The following SUMF1 variants were observed in gnomAD, a reference collection of about 807,000 sequenced individuals.
SUMF1 encodes sulfatase modifying factor 1, also known as formylglycine-generating enzyme.
SUMF1 carries 48 observed loss-of-function variants against 47.6 expected under a neutral mutation model. The ratio of observed to expected loss-of-function variants is 1.01; its 90% CI spans 0.80 to 1.28. SUMF1 has a LOEUF of 1.28. SUMF1 is among the 50% of genes most tolerant of loss of function. SUMF1 has a pLI of 0.00. For missense variants in SUMF1, 571 were observed against 485.4 expected (o/e 1.18, Z -1.66); for synonymous variants, 230 against 192.1 (o/e 1.20, Z -1.63).
intron 8 of SUMF1, among the ~76,000 whole-genome samples, chr3:4,071,572 C>T (rs1695526029): frequency 6.6e-6 from 1 of 152,220 alleles, no homozygotes; most frequent in Non-Finnish European, 1.5e-5. Context: ...ATTCTCACTG[C>T]TAGCGCAGGA....
chr3:4,268,539 G>C (rs1400643968), intron 8 of SUMF1, among the ~76,000 whole-genome samples: 1 of 137,188 alleles, frequency 7.3e-6, no homozygotes, highest in African/African-American at 2.7e-5. Context: ...TTAATGATAG[G>C]TTTACACAGT....
intron 8 of SUMF1, among the ~76,000 whole-genome samples, chr3:4,172,241 A>T (rs1694847247): frequency 6.6e-6 from 1 of 152,078 alleles, no homozygotes; most frequent in Non-Finnish European, 1.5e-5. Context: ...ATTAAAGATG[A>T]CTCCCAGATT....
intron 8 of SUMF1, among the ~76,000 whole-genome samples, chr3:4,127,767 C>T (rs115289404): frequency 0.022 from 3,323 of 152,142 alleles, 105 homozygotes; most frequent in African/African-American, 0.075. Flanking sequence ...TATTTCTAGA[C>T]GAACAGAATA....
At chr3:4,213,646 G>A (rs1235874631) in intron 8 of SUMF1, among the ~76,000 whole-genome samples, 1 of 152,140 alleles carries the variant, frequency 6.6e-6, no homozygotes, top group Non-Finnish European at 1.5e-5. Context: ...ACCCATCAGT[G>A]TGCTGTATTC....
intron 3 of SUMF1, among the ~76,000 whole-genome samples, chr3:4,446,869 G>A (rs1275849113): frequency 6.6e-6 from 1 of 152,110 alleles, no homozygotes; most frequent in African/African-American, 2.4e-5. Flanking sequence ...ACAATGAAAG[G>A]GAAACCTGTA....
At chr3:4,454,033 T>C (rs1036230800) in intron 1 of SUMF1, among the ~76,000 whole-genome samples, 2 of 152,188 alleles carry the variant, frequency 1.3e-5, no homozygotes, top group African/African-American at 4.8e-5. Flanking sequence ...TAAAAGCACA[T>C]GTAAAAATGC....
At chr3:4,229,506 G>C (rs1436975070) in intron 8 of SUMF1, among the ~76,000 whole-genome samples, 1 of 152,086 alleles carries the variant, frequency 6.6e-6, no homozygotes, top group Non-Finnish European at 1.5e-5. Flanking sequence ...TCTCATCTAT[G>C]AAATTACCTT....
intron 7 of SUMF1, among the ~76,000 whole-genome samples, chr3:4,382,181 C>T (rs930206257): frequency 2.0e-5 from 3 of 152,192 alleles, no homozygotes; most frequent in Admixed American, 6.5e-5. Flanking sequence ...ACTGACAATG[C>T]CTACTTAAAT....
rs1355735972 is a variant in SUMF1, at chr3:4,208,872, G to C, written c.1015-140127C>G. 2.6e-5 allele frequency among the ~76,000 whole-genome samples: 4 copies of C among 152,052 alleles called. No homozygotes were observed. In the East Asian group the frequency reaches 7.7e-4, roughly 29 times the overall value. On this transcript the variant is annotated intron_variant and NMD_transcript_variant, in intron 8 of 12. Transcript: ENST00000448413. ...ATATGCACAATGGGAATATCAGAAA[G>C]AGAAGAAAGAGATCTGTTGCTAGAC...
At chr3:4,387,772 C>T (rs1204235159) in intron 7 of SUMF1, among the ~76,000 whole-genome samples, 3 of 152,004 alleles carry the variant, frequency 2.0e-5, no homozygotes, top group Non-Finnish European at 4.4e-5. Flanking sequence ...TGATATGTTT[C>T]ATTTTCATTC....
chr3:4,162,084 G>T (rs1451248242), intron 8 of SUMF1, among the ~76,000 whole-genome samples: 1 of 152,042 alleles, frequency 6.6e-6, no homozygotes, highest in Admixed American at 6.6e-5. Flanking sequence ...CTGGTGCAGG[G>T]TGTACCTAGC....
chr3:4,250,569 G>C lies in SUMF1; in HGVS notation c.1014+125761C>G, dbSNP rs539840905. ...TTATACTGGAAGTAGAGGCCATCTAGTATTTTCATAGCTAGAGAGGAAAAG... is the reference window on the plus strand; with the variant it reads ...TTATACTGGAAGTAGAGGCCATCTACTATTTTCATAGCTAGAGAGGAAAAG... On this transcript the variant is annotated intron_variant and NMD_transcript_variant, in intron 8 of 12. Coordinates refer to the SUMF1 transcript ENST00000448413. Among the ~76,000 whole-genome samples the C allele has an allele frequency of 9.2e-5, 14 of 152,264 alleles. No homozygotes were observed. In the South Asian group the frequency reaches 2.7e-3, roughly 29 times the overall value.
chr3:4,386,221 T>C (rs1166261409), intron 7 of SUMF1, among the ~76,000 whole-genome samples: 1 of 152,232 alleles, frequency 6.6e-6, no homozygotes, highest in East Asian at 1.9e-4. Flanking sequence ...AGAACTGATA[T>C]CTCTACTAGG....
intron 8 of SUMF1, among the ~76,000 whole-genome samples, chr3:4,334,827 A>G (rs1433858353): frequency 1.3e-5 from 2 of 152,220 alleles, no homozygotes; most frequent in Non-Finnish European, 2.9e-5. Context: ...TAACTACCAG[A>G]ACTATTTTAG....
intron 8 of SUMF1, among the ~76,000 whole-genome samples, chr3:4,151,552 T>C (rs1694333834): frequency 1.0e-5 from 1 of 98,588 alleles, no homozygotes; most frequent in Non-Finnish European, 2.0e-5. Context: ...TATGTGTGTG[T>C]ATATACACAC....
chr3:4,272,235 G>T (rs950094182), intron 8 of SUMF1, among the ~76,000 whole-genome samples: 2 of 152,204 alleles, frequency 1.3e-5, no homozygotes, highest in Non-Finnish European at 2.9e-5. Context: ...ACAATACTGT[G>T]CAGGAAACAT....
At chr3:4,185,917 C>A (rs1450298805) in intron 8 of SUMF1, among the ~76,000 whole-genome samples, 1 of 152,136 alleles carries the variant, frequency 6.6e-6, no homozygotes, top group Admixed American at 6.6e-5. Flanking sequence ...AAGGGGCATT[C>A]TCTCATGGCT....
intron 9 of SUMF1, among the ~76,000 whole-genome samples, chr3:4,060,141 C>T (rs932893802): frequency 7.2e-5 from 11 of 152,176 alleles, no homozygotes; most frequent in Non-Finnish European, 1.2e-4. Context: ...TTTGAAAAAT[C>T]GCTCTAGCTG....
chr3:4,387,981 T>C (rs1341454413), intron 7 of SUMF1, among the ~76,000 whole-genome samples: 1 of 152,102 alleles, frequency 6.6e-6, no homozygotes, highest in Non-Finnish European at 1.5e-5. Flanking sequence ...GTTCATCTGA[T>C]GGCACAGGAT....
Sources: gnomAD v4.1 joint callset for allele counts (sites outside exome capture counted in the v4.1 genomes callset) on GRCh38, gnomAD v4.1.1 for gene constraint, MANE v1.5 for transcripts, NCBI Gene and HGNC (gene_info 2026-07-23, HGNC 2026-07-21) for gene names.